Variants in DAGLA observed in about 807,000 individuals in gnomAD.
DAGLA encodes the protein diacylglycerol lipase-alpha.
A neutral mutation model predicts 102.6 loss-of-function variants in DAGLA; 22 were observed. The ratio of observed to expected loss-of-function variants is 0.21; its 90% CI spans 0.15 to 0.31. The LOEUF (loss-of-function observed/expected upper bound fraction) is 0.31, where lower values mean the gene tolerates loss of function less well. Among genes scored for constraint, DAGLA ranks in the 10% least tolerant of loss-of-function variants. DAGLA has a pLI of 1.00. For missense variants in DAGLA, 927 were observed against 1,446.6 expected, an observed-to-expected ratio of 0.64 and a Z score of 5.83; for synonymous variants, 578 against 628.9, an observed-to-expected ratio of 0.92 and a Z score of 1.21.
chr11:61,726,963 G>C (rs1591045577), intron 6 of DAGLA, among the ~76,000 whole-genome samples: 1 of 152,256 alleles, frequency 6.6e-6, no homozygotes, highest in Non-Finnish European at 1.5e-5. Flanking sequence ...TGCAAGGCAG[G>C]CCATGCAGAG....
rs370413120 is a variant in DAGLA, at chr11:61,739,395, C to T, written c.1657-70C>T. 4.4e-3 allele frequency: 4,285 copies of T among 970,864 alleles called. 163 individuals are homozygous for T. In the South Asian group the frequency reaches 0.055, roughly 12 times the overall value. 60.1% of individuals were successfully genotyped at this position (970,864 alleles called of 1,614,324 possible). ...CACCTGCTGAGCCCCCCTTCTCGGT[C>T]CCCCTGCCCCTGCCCCCCAGCCAGT... On this transcript the variant is annotated intron_variant, in intron 16 of 19. Coordinates refer to ENST00000257215, the MANE Select transcript of DAGLA (RefSeq NM_006133.3).
intron 1 of DAGLA, among the ~76,000 whole-genome samples, chr11:61,705,614 G>A (rs1025678054): frequency 2.0e-5 from 3 of 152,202 alleles, no homozygotes; most frequent in Non-Finnish European, 4.4e-5. Flanking sequence ...TTTCTTTGTT[G>A]TATGTGAAGG....
chr11:61,702,265 C>T (rs1007439153), intron 1 of DAGLA, among the ~76,000 whole-genome samples: 6 of 152,010 alleles, frequency 3.9e-5, no homozygotes, highest in Non-Finnish European at 5.9e-5. Flanking sequence ...ACAAGCTGAA[C>T]ATGTTAGGTT....
rs749387394 is a variant in DAGLA, at chr11:61,739,476, C to T, written c.1668C>T (p.Ile556=). Residue 556 remains isoleucine, a synonymous_variant, in exon 17 of 20, where the codon ATC becomes ATT. Coordinates refer to ENST00000257215, the MANE Select transcript of DAGLA (RefSeq NM_006133.3). ...TCCACCCCGCGCAGTGGCGGATCAT[C>T]GTGGGGGCCACCAAATGCATCCCCA... ...QRSTKPKWRI[I]VGATKCIPKS... 2.5e-6 allele frequency: 4 copies of T among 1,613,676 alleles called. No individual in the cohort carries two copies. The highest frequency in any genetic ancestry group is 2.2e-5 in the East Asian group (1 of 44,862).
chr11:61,701,436 C>G (rs1294214971), intron 1 of DAGLA, among the ~76,000 whole-genome samples: 1 of 152,206 alleles, frequency 6.6e-6, no homozygotes, highest in African/African-American at 2.4e-5. Flanking sequence ...TCGGGCATGT[C>G]TCAGGCACCT....
rs73485405 is a variant in DAGLA, at chr11:61,694,124, C to T, written c.-45+13620C>T. On this transcript the variant is annotated intron_variant, in intron 1 of 19. Transcript: ENST00000257215. ...GGCCCAAAGCTGTGTGACCTTGGCA[C>T]GTCAGCATTCCTCTATGAGCTTAGG... Among the ~76,000 whole-genome samples, 1,057 of 152,354 alleles carry T rather than the reference C, an allele frequency of 6.9e-3. 14 individuals carry two copies. Among genetic ancestry groups the T allele is most frequent in the African/African-American group, 0.025 (1,022 of 41,580 alleles).
At chr11:61,688,335 G>T (rs1001880633) in intron 1 of DAGLA, among the ~76,000 whole-genome samples, 13 of 149,498 alleles carry the variant, frequency 8.7e-5, no homozygotes, top group African/African-American at 3.2e-4. Context: ...AAAAAAAAAG[G>T]ATTAGGATTG....
intron 17 of DAGLA, 47 bp downstream of exon 17, chr11:61,739,708 A>G (rs1177027293): frequency 6.3e-7 from 1 of 1,585,048 alleles, no homozygotes; most frequent in African/African-American, 1.3e-5. Flanking sequence ...TGGCCAGGGC[A>G]GGGGCAGTGG....
intron 1 of DAGLA, among the ~76,000 whole-genome samples, chr11:61,692,526 G>A (rs934399767): frequency 1.3e-5 from 2 of 152,116 alleles, no homozygotes; most frequent in African/African-American, 4.8e-5. Flanking sequence ...GAGAGTTACT[G>A]GCGACCACTC....
At chr11:61,716,153 G>A (rs2065234276) in intron 1 of DAGLA, among the ~76,000 whole-genome samples, 1 of 152,100 alleles carries the variant, frequency 6.6e-6, no homozygotes, top group Admixed American at 6.6e-5. Context: ...AGGCACTGCA[G>A]CTGGCACCCA....
chr11:61,741,930 C>T (rs2065484098), intron 19 of DAGLA, among the ~76,000 whole-genome samples: 1 of 152,128 alleles, frequency 6.6e-6, no homozygotes, highest in Non-Finnish European at 1.5e-5. Flanking sequence ...TTCACTCTTA[C>T]ACACTTAGAC....
At chr11:61,702,916 A>G (rs567006184) in intron 1 of DAGLA, among the ~76,000 whole-genome samples, 30 of 152,230 alleles carry the variant, frequency 2.0e-4, no homozygotes, top group Non-Finnish European at 3.2e-4. Flanking sequence ...TGAAGATGCC[A>G]CATTTCCTCC....
In DAGLA at chr11:61,738,496, C is replaced by G. The variant is rs1490413191; in HGVS notation, c.1656+289C>G. 7.2e-5 allele frequency among the ~76,000 whole-genome samples: 11 copies of G among 152,160 alleles called. 1 individual carries two copies. Among genetic ancestry groups the G allele is most frequent in the Admixed American group, 7.2e-4 (11 of 15,280 alleles). ...AATCAGGACAGGAACCGAGAGGCTC[C>G]CATCACACAGAGCTGGGAGCTGCCC... On this transcript the variant is annotated intron_variant, in intron 16 of 19. Coordinates refer to ENST00000257215, the MANE Select transcript of DAGLA (RefSeq NM_006133.3).
At chr11:61,736,707 G>A (rs757478625) in intron 13 of DAGLA, among the ~76,000 whole-genome samples, 2 of 152,200 alleles carry the variant, frequency 1.3e-5, no homozygotes, top group African/African-American at 4.8e-5. Context: ...CTCTACCTAG[G>A]GGGGAACTGA....
chr11:61,743,604 G>A lies in DAGLA; in HGVS notation c.2244G>A (p.Ala748=), dbSNP rs765951660. ...GGCTGCTGTCGCCAGTGGTTGCGGC[G>A]GCGGCCCGCCAGGACCCGGTGGAGC... The part of the protein sequence containing the change: ...EGRLLSPVVA[A]AARQDPVELL... Residue 748 remains alanine (A), a synonymous_variant, in exon 20 of 20, where the codon GCG becomes GCA. Transcript: ENST00000257215. The A allele has an allele frequency of 2.7e-5, 42 of 1,575,280 alleles. No homozygotes were observed. In the East Asian group the frequency reaches 5.8e-4, roughly 22 times the overall value.
In DAGLA at chr11:61,744,443, G is replaced by A; in HGVS notation, c.3083G>A (p.Gly1028Glu). The A allele has an allele frequency of 6.3e-7, 1 of 1,594,808 alleles. No individual in the cohort carries two copies. The highest frequency in any genetic ancestry group is 8.6e-7 in the Non-Finnish European group (1 of 1,168,222). ...CGGACTTCTACCCCCACTGGCCACG[G>A]AGCCAGCCCCGCCAAGCAAGATGAG... ...KIRTSTPTGH[G>E]ASPAKQDELV... Residue 1028 changes from glycine to glutamate, a missense_variant, in exon 20 of 20, where the codon GGA becomes GAA. Physicochemically the swap from Gly to Glu is moderately conservative, Grantham distance 98. Transcript: ENST00000257215.
At chr11:61,709,960 G>A (rs1307878764) in intron 1 of DAGLA, among the ~76,000 whole-genome samples, 1 of 152,122 alleles carries the variant, frequency 6.6e-6, no homozygotes, top group South Asian at 2.1e-4. Flanking sequence ...GCCAGACCCC[G>A]AGGGCCAACC....
rs150104435 is a variant in DAGLA, at chr11:61,686,670, C to T, written c.-45+6166C>T. Among the ~76,000 whole-genome samples the T allele has an allele frequency of 2.7e-3, 416 of 152,244 alleles. 2 individuals are homozygous for T. Among genetic ancestry groups the T allele is most frequent in the African/African-American group, 9.3e-3 (387 of 41,536 alleles). Reference sequence around the variant, plus strand: ...GAGCCTGCGGCTCTGGGGTGGAGGTCGGGACGGTGGCCCTCCGCTGTGTAA... The same window carrying T: ...GAGCCTGCGGCTCTGGGGTGGAGGTTGGGACGGTGGCCCTCCGCTGTGTAA... On this transcript the variant is annotated intron_variant, in intron 1 of 19. Transcript: ENST00000257215. The surrounding 1 kb of genome is among the most constrained non-coding windows in gnomAD (Gnocchi z 5.2).
intron 1 of DAGLA, among the ~76,000 whole-genome samples, chr11:61,710,208 C>T (rs2065182556): frequency 6.6e-6 from 1 of 152,036 alleles, no homozygotes; most frequent in Admixed American, 6.5e-5. Flanking sequence ...GGGATTCGTG[C>T]TGGGAGCTGA....
Sources: allele counts gnomAD v4.1 joint callset (sites outside exome capture counted in the v4.1 genomes callset), GRCh38; gene constraint gnomAD v4.1.1; non-coding constraint Gnocchi (gnomAD v3.1); transcripts MANE v1.5; gene names NCBI Gene and HGNC (gene_info 2026-07-23, HGNC 2026-07-21).